Variants in IQCM observed in about 807,000 individuals in gnomAD.
IQCM encodes the protein IQ motif containing M.
Under a neutral mutation model 57.6 loss-of-function variants are expected in IQCM, and 45 were observed. The observed-to-expected ratio is 0.78, with a 90% CI of 0.62 to 1.00. The LOEUF is 1.00. Ranked by LOEUF, IQCM falls within the 50% of genes least tolerant of loss-of-function variation. The pLI, the probability that IQCM is intolerant of heterozygous loss-of-function variation, is 0.00. For missense variants in IQCM, 468 were observed against 511.6 expected (o/e 0.91, Z 0.82); for synonymous variants, 148 against 158.9 (o/e 0.93, Z 0.51).
chr4:149,704,382 C>A (rs1326177539), intron 5 of IQCM, among the ~76,000 whole-genome samples: 1 of 151,792 alleles, frequency 6.6e-6, no homozygotes, highest in African/African-American at 2.4e-5. Context: ...CTTATTTTTG[C>A]AAATAAAGCT....
chr4:149,646,553 GAA>G (rs1431003761), intron 7 of IQCM, among the ~76,000 whole-genome samples: 1 of 152,072 alleles, frequency 6.6e-6, no homozygotes, highest in Non-Finnish European at 1.5e-5. Flanking sequence ...GTAATCAAAA[GAA>G]AGTTGACAAA....
chr4:149,420,623 C>T (rs1425813731), intron 13 of IQCM, among the ~76,000 whole-genome samples: 1 of 151,708 alleles, frequency 6.6e-6, no homozygotes, highest in African/African-American at 2.4e-5. Flanking sequence ...CACATGGACC[C>T]CAGAACTTAA....
At chr4:149,706,326 C>G (rs1764158094) in intron 5 of IQCM, among the ~76,000 whole-genome samples, 1 of 151,942 alleles carries the variant, frequency 6.6e-6, no homozygotes, top group Non-Finnish European at 1.5e-5. Context: ...CCACACTATT[C>G]AGGTAAGGTA....
chr4:149,733,853 A>G (rs1766691177), intron 4 of IQCM, among the ~76,000 whole-genome samples: 1 of 152,176 alleles, frequency 6.6e-6, no homozygotes, highest in Non-Finnish European at 1.5e-5. Flanking sequence ...TTTCAAATAG[A>G]CATGTAAGAA....
chr4:149,467,693 T>C (rs1739006649), intron 12 of IQCM, among the ~76,000 whole-genome samples: 2 of 152,186 alleles, frequency 1.3e-5, no homozygotes, highest in Admixed American at 1.3e-4. Context: ...GTGAAGAGCA[T>C]AGCTATCAGA....
chr4:149,567,499 A>G (rs1224491128), intron 9 of IQCM, among the ~76,000 whole-genome samples: 10 of 151,962 alleles, frequency 6.6e-5, no homozygotes, highest in Non-Finnish European at 1.2e-4. Flanking sequence ...GGTGTGTGCC[A>G]CCACACACAG....
At chr4:149,529,420 G>T (rs1560954899) in intron 12 of IQCM, among the ~76,000 whole-genome samples, 1 of 152,100 alleles carries the variant, frequency 6.6e-6, no homozygotes, top group Non-Finnish European at 1.5e-5. Flanking sequence ...CTGGTTTTGA[G>T]TTATTATATT....
At chr4:149,510,964 C>T (rs745952721) in intron 12 of IQCM, among the ~76,000 whole-genome samples, 25 of 152,114 alleles carry the variant, frequency 1.6e-4, no homozygotes, top group Non-Finnish European at 2.9e-4. Context: ...TAAAGGCATA[C>T]TTTTTTTATA....
rs751855477 is a variant in IQCM at position 149,389,867 on chromosome 4, G to GA, written c.1391-37802dup. ...AACTTAAAGTATAATAATAATAAATGAAAAAAAAAGTTTTAAATCAAGAAT... is the reference window on the plus strand; with the variant it reads ...AACTTAAAGTATAATAATAATAAATGAAAAAAAAAAGTTTTAAATCAAGAAT... On this transcript the variant is annotated intron_variant, in intron 13 of 13. Transcript: ENST00000636793. Among the ~76,000 whole-genome samples the GA allele has an allele frequency of 1.5e-3, 224 of 150,608 alleles. 1 individual carries two copies. Among genetic ancestry groups the GA allele is most frequent in the Middle Eastern group, 3.4e-3 (1 of 290 alleles).
chr4:149,751,264 T>C (rs925318182), intron 2 of IQCM, among the ~76,000 whole-genome samples: 1 of 152,198 alleles, frequency 6.6e-6, no homozygotes, highest in African/African-American at 2.4e-5. Context: ...TCCAGAATTT[T>C]ACCCTCCGTG....
intron 7 of IQCM, among the ~76,000 whole-genome samples, chr4:149,641,800 G>T (rs965298926): frequency 3.9e-5 from 6 of 151,978 alleles, no homozygotes; most frequent in African/African-American, 1.5e-4. Flanking sequence ...ATTTACTAGG[G>T]TCATCAATTA....
intron 12 of IQCM, among the ~76,000 whole-genome samples, chr4:149,500,134 C>T (rs1228907841): frequency 6.6e-6 from 1 of 152,074 alleles, no homozygotes; most frequent in Non-Finnish European, 1.5e-5. Context: ...GTTCAATGAC[C>T]TTTCATTTAG....
chr4:149,469,802 G>A (rs1472024135), intron 12 of IQCM, among the ~76,000 whole-genome samples: 2 of 152,220 alleles, frequency 1.3e-5, no homozygotes, highest in Non-Finnish European at 2.9e-5. Flanking sequence ...AGCGAGAAGA[G>A]AGTGGAGACC....
At chr4:149,449,612 A>G (rs1015611894) in intron 12 of IQCM, among the ~76,000 whole-genome samples, 1 of 151,314 alleles carries the variant, frequency 6.6e-6, no homozygotes, top group Non-Finnish European at 1.5e-5. Flanking sequence ...ATCTCATTTA[A>G]ATAGCTGCAC....
intron 7 of IQCM, among the ~76,000 whole-genome samples, chr4:149,626,404 T>TATATATATATATATATATATATATATAA (rs1372720158): frequency 1.7e-5 from 2 of 119,552 alleles, no homozygotes; most frequent in Non-Finnish European, 3.6e-5. Flanking sequence ...TATATATATA[T>TATATATATATATATATATATATATATAA]AAGTTTATAG....
At position 149,624,839 on chromosome 4, in the gene IQCM, T is replaced by G. The variant is rs185168108; in HGVS notation, c.566-3595A>C. Among the ~76,000 whole-genome samples, 421 of 152,304 alleles carry G rather than the reference T, an allele frequency of 2.8e-3. 1 individual carries two copies. Among genetic ancestry groups the G allele is most frequent in the Admixed American group, 5.9e-3 (90 of 15,304 alleles). On this transcript the variant is annotated intron_variant, in intron 7 of 13. Coordinates refer to ENST00000636793, the MANE Select transcript of IQCM (RefSeq NM_001363507.2). ...ATCTGCCTTCCAGAGTAGAAGCAAG[T>G]TCAAATGAAAATGTATCTTTATTAG...
intron 12 of IQCM, among the ~76,000 whole-genome samples, chr4:149,535,662 G>A (rs1240382242): frequency 6.6e-6 from 1 of 152,018 alleles, no homozygotes; most frequent in African/African-American, 2.4e-5. Context: ...AATAACTCTT[G>A]TTAAGTAATA....
At chr4:149,355,478 C>G (rs1033603453) in intron 13 of IQCM, among the ~76,000 whole-genome samples, 33 of 146,524 alleles carry the variant, frequency 2.3e-4, no homozygotes, top group South Asian at 6.5e-4. Flanking sequence ...CCACCTATGA[C>G]TGAGAACATG....
chr4:149,763,883 G>T (rs1230379560), intron 2 of IQCM, among the ~76,000 whole-genome samples: 1 of 151,868 alleles, frequency 6.6e-6, no homozygotes, highest in Non-Finnish European at 1.5e-5. Flanking sequence ...TCTGTAATGA[G>T]GAGGAAGATG....
Sources: gnomAD v4.1 joint callset for allele counts (sites outside exome capture counted in the v4.1 genomes callset) on GRCh38, gnomAD v4.1.1 for gene constraint, MANE v1.5 for transcripts, NCBI Gene and HGNC (gene_info 2026-07-23, HGNC 2026-07-21) for gene names.